MPV17: variants seen among roughly 807,000 people sequenced by gnomAD.
The protein encoded by MPV17 is mitochondrial inner membrane protein MPV17, also known as MPV17, mitochondrial inner membrane protein.
In MPV17, 31 loss-of-function variants were observed where a neutral mutation model predicts 28.6. The observed-to-expected ratio is 1.08, with a 90% CI of 0.81 to 1.46. MPV17 has a LOEUF of 1.46. MPV17 is among the 40% of genes most tolerant of loss of function. MPV17 has a pLI of 0.00. For missense variants in MPV17, 198 were observed against 216.2 expected (o/e 0.92, Z 0.53); for synonymous variants, 87 against 85.3 (o/e 1.02, Z -0.11).
At chr2:27,312,281 C>A (rs372125579) in intron 5 of MPV17, 35 bp from the exon 6 acceptor site, 2 of 1,610,802 alleles carry the variant, frequency 1.2e-6, no homozygotes, top group Non-Finnish European at 1.7e-6. Flanking sequence ...TTAACACTTG[C>A]GCCTCCAAGC....
In MPV17 at chr2:27,315,817, C is replaced by T. The variant is rs545061295; in HGVS notation, c.71-2708G>A. 20 of 1,052,238 alleles carry T rather than the reference C, an allele frequency of 1.9e-5. 1 individual carries two copies. Among genetic ancestry groups the T allele is most frequent in the African/African-American group, 1.1e-4 (7 of 60,874 alleles). The allele number at this position is 1,052,238 out of a possible 1,614,324, so 65.2% of individuals were successfully genotyped here. A position where few individuals can be genotyped will look rare whatever the true frequency, so the allele number is the denominator to read the frequency against. On this transcript the variant is annotated intron_variant, in intron 2 of 7. Coordinates refer to ENST00000380044, the MANE Select transcript of MPV17 (RefSeq NM_002437.5). ...CCCCAGGTGATCCACCTGCCTTGGC[C>T]GCCCAAAGTGTTGGGATTATAGGTG...
At chr2:27,322,090 A>G in intron 2 of MPV17, 1 of 329,110 alleles carries the variant, frequency 3.0e-6, no homozygotes, top group South Asian at 3.4e-5. Context: ...TAGCTCACAC[A>G]CCTTTGTGGG....
At chr2:27,318,609 C>T (rs1422520923) in intron 2 of MPV17, among the ~76,000 whole-genome samples, 1 of 151,768 alleles carries the variant, frequency 6.6e-6, no homozygotes, top group African/African-American at 2.4e-5. Flanking sequence ...CTGCCTGCCT[C>T]GGCCTCCCAA....
Position 27,312,757 on chromosome 2 carries a change from C to T in MPV17, c.202G>A (p.Gly68Ser), listed in dbSNP as rs1461128986. 1 of 1,614,154 alleles carries T rather than the reference C, an allele frequency of 6.2e-7. No homozygotes were observed. Among genetic ancestry groups the T allele is most frequent in the Non-Finnish European group, 8.5e-7 (1 of 1,180,048 alleles). ...AACCGATCCAAAACCTTGTACCAGC[C>T]TCCTACCACAGGGCCCTGGAAGTAA... ...GCGFVGPVVG[G>S]WYKVLDRFIP... Residue 68 changes from glycine to serine, a missense_variant, in exon 4 of 8, where the codon GGC (glycine) becomes AGC (serine). Physicochemically the swap from Gly to Ser is moderately conservative, Grantham distance 56. Transcript: ENST00000380044.
intron 3 of MPV17, 59 bp downstream of exon 3, chr2:27,312,935 T>C (rs1417960395): frequency 6.3e-7 from 1 of 1,596,012 alleles, no homozygotes; most frequent in African/African-American, 1.3e-5. Flanking sequence ...AGCCAAAGGA[T>C]GGCAAAGAAC....
intron 2 of MPV17, chr2:27,316,100 C>G: frequency 1.9e-6 from 3 of 1,550,934 alleles, no homozygotes; most frequent in Non-Finnish European, 2.6e-6. Flanking sequence ...ATTCCCTAGA[C>G]TAATGCACTT....
At position 27,309,897 on chromosome 2, in the gene MPV17, T is replaced by TG. The variant is rs1454303651; in HGVS notation, c.*14dup. The TG allele has an allele frequency of 5.0e-6, 8 of 1,610,536 alleles. No individual in the cohort carries two copies. In the South Asian group the frequency reaches 8.8e-5, roughly 18 times the overall value. On this transcript the variant is annotated 3_prime_UTR_variant, in exon 8 of 8. Transcript: ENST00000380044. Reference sequence around the variant, plus strand: ...CTGCATCACTGCAAGGTGGAAACGATGGAGTGAGGCAGGCTTAGAGCCGAT... The same window carrying TG: ...CTGCATCACTGCAAGGTGGAAACGATGGGAGTGAGGCAGGCTTAGAGCCGAT...
At chr2:27,310,514 G>A (rs1045989342) in intron 7 of MPV17, among the ~76,000 whole-genome samples, 2 of 152,220 alleles carry the variant, frequency 1.3e-5, no homozygotes, top group South Asian at 2.1e-4. Flanking sequence ...AATATTCAGC[G>A]GCTCTCTTGC....
chr2:27,312,762 A>G lies in MPV17; in HGVS notation c.197T>C (p.Val66Ala), dbSNP rs755007721. The G allele has an allele frequency of 2.5e-6, 4 of 1,614,060 alleles. No individual in the cohort carries two copies. Among genetic ancestry groups the G allele is most frequent in the Non-Finnish European group, 3.4e-6 (4 of 1,180,014 alleles). Reference sequence around the variant, plus strand: ...ATCCAAAACCTTGTACCAGCCTCCTACCACAGGGCCCTGGAAGTAAACCCC... The same window carrying G: ...ATCCAAAACCTTGTACCAGCCTCCTGCCACAGGGCCCTGGAAGTAAACCCC... The part of the protein sequence containing the change: ...SLGCGFVGPV[V>A]GGWYKVLDRF... The change falls in exon 4 of 8, where the codon GTA (valine) becomes GCA (alanine). Residue 66 changes from valine to alanine, a missense_variant. Coordinates refer to ENST00000380044, the MANE Select transcript of MPV17 (RefSeq NM_002437.5).
chr2:27,314,314 C>A (rs1433552338), intron 2 of MPV17, among the ~76,000 whole-genome samples: 2 of 151,984 alleles, frequency 1.3e-5, no homozygotes, highest in African/African-American at 4.8e-5. Context: ...CAGAACAAGA[C>A]CCTATCTCAA....
At position 27,312,564 on chromosome 2, in the gene MPV17, C is replaced by G. The variant is rs780485901; in HGVS notation, c.305G>C (p.Gly102Ala). Residue 102 changes from glycine (G) to alanine (A), a missense_variant, in exon 5 of 8, where the codon GGC (glycine) becomes GCC (alanine). Gly to Ala is a moderately conservative substitution (Grantham distance 60). Coordinates refer to ENST00000380044, the MANE Select transcript of MPV17 (RefSeq NM_002437.5). ...TGCCCCTACCAGTGGGAGAAAGCAG[C>G]CTAGAAAACACGGGGCAAAGCCCCC... is the stretch of plus-strand genomic sequence containing the variant. The part of the protein sequence containing the change: ...DQGGFAPCFL[G>A]CFLPLVGALN... 6.2e-7 allele frequency: 1 copy of G among 1,614,158 alleles called. No individual in the cohort carries two copies. The highest frequency in any genetic ancestry group is 8.5e-7 in the Non-Finnish European group (1 of 1,180,006).
At chr2:27,318,973 C>G (rs1333526147) in intron 2 of MPV17, among the ~76,000 whole-genome samples, 1 of 152,056 alleles carries the variant, frequency 6.6e-6, no homozygotes, top group Non-Finnish European at 1.5e-5. Context: ...CCATGTTGGC[C>G]AGGCTGGTCT....
intron 2 of MPV17, chr2:27,316,206 G>A: frequency 6.4e-7 from 1 of 1,551,040 alleles, no homozygotes; most frequent in Non-Finnish European, 8.7e-7. Flanking sequence ...AAACAGAGAA[G>A]TGTGTGTTTT....
intron 2 of MPV17, chr2:27,321,810 C>T (rs1220685945): frequency 1.3e-5 from 2 of 154,668 alleles, no homozygotes; most frequent in East Asian, 3.8e-4. Flanking sequence ...CTTGGAGATA[C>T]ATATTTAGGC....
intron 2 of MPV17, among the ~76,000 whole-genome samples, chr2:27,321,307 G>T (rs1250078452): frequency 6.6e-6 from 1 of 152,212 alleles, no homozygotes; most frequent in South Asian, 2.1e-4. Context: ...GCTGACGGAC[G>T]CTGAGGACAG....
At chr2:27,316,928 C>T in intron 2 of MPV17, 2 of 716,760 alleles carry the variant, frequency 2.8e-6, no homozygotes, top group Admixed American at 3.0e-5. Flanking sequence ...CGAACAGATC[C>T]AGCGGCCAGG....
intron 2 of MPV17, chr2:27,315,952 G>A: frequency 6.8e-7 from 1 of 1,467,662 alleles, no homozygotes; most frequent in South Asian, 1.4e-5. Context: ...TCTCAAGGAG[G>A]ACCAAGGAGG....
chr2:27,321,682 C>G (rs1395795098), intron 2 of MPV17, among the ~76,000 whole-genome samples: 1 of 152,170 alleles, frequency 6.6e-6, no homozygotes, highest in Non-Finnish European at 1.5e-5. Flanking sequence ...GTAACAAATG[C>G]AGGTAGGTCA....
rs886055895 is a variant in MPV17 at position 27,309,718 on chromosome 2, C to T, written c.*194G>A. The stretch of plus-strand genomic sequence containing the variant: ...TGCCTAGTATGTGGTGGGAATAAGA[C>T]TATTATCAAGGGCTCTAAAGCAGTC... On this transcript the variant is annotated 3_prime_UTR_variant, in exon 8 of 8. Transcript: ENST00000380044. 26 of 660,184 alleles carry T rather than the reference C, an allele frequency of 3.9e-5. No homozygotes were observed. In the Middle Eastern group the frequency reaches 1.2e-3, roughly 31 times the overall value. The allele number at this position is 660,184 out of a possible 1,614,324, so 40.9% of individuals were successfully genotyped here.
Sources: allele counts gnomAD v4.1 joint callset (sites outside exome capture counted in the v4.1 genomes callset), GRCh38; gene constraint gnomAD v4.1.1; transcripts MANE v1.5; gene names NCBI Gene and HGNC (gene_info 2026-07-23, HGNC 2026-07-21).